Variants in PAM observed in about 807,000 individuals in gnomAD.
PAM encodes peptidyl-glycine alpha-amidating monooxygenase.
In PAM, 72 loss-of-function variants were observed where a neutral mutation model predicts 122.1. The observed-to-expected ratio is 0.59, with a 90% CI of 0.49 to 0.72. The LOEUF (loss-of-function observed/expected upper bound fraction) is 0.72. Ranked by LOEUF, PAM falls within the 30% of genes least tolerant of loss-of-function variation. PAM has a pLI of 0.00. For missense variants in PAM, 1,106 were observed against 1,183.7 expected, an observed-to-expected ratio of 0.93 and a Z score of 0.96; for synonymous variants, 389 against 404.4, an observed-to-expected ratio of 0.96 and a Z score of 0.46.
At chr5:102,811,204 A>T (rs902559448) in intron 1 of PAM, among the ~76,000 whole-genome samples, 5 of 152,240 alleles carry the variant, frequency 3.3e-5, no homozygotes, top group African/African-American at 1.2e-4. Flanking sequence ...TTGGTGGCTT[A>T]AAAAGTACAA....
intron 4 of PAM, among the ~76,000 whole-genome samples, chr5:102,911,158 A>G (rs1405273074): frequency 6.6e-6 from 1 of 151,964 alleles, no homozygotes; most frequent in African/African-American, 2.4e-5. Flanking sequence ...GGTAGTTTTC[A>G]TTTCAACTTG....
At position 102,974,171 on chromosome 5, in the gene PAM, T is replaced by C; in HGVS notation, c.1218T>C (p.His406=). The change falls in exon 15 of 26, where the codon CAT becomes CAC. Residue 406 remains histidine (H), a synonymous_variant. Transcript: ENST00000438793. ...KLLGEREDVV[H]VHKYNPTEKA... ...TAGGAGAAAGGGAAGATGTTGTTCA[T>C]GTGCACAAATATAATCCTACAGAAA... 6.2e-7 allele frequency: 1 copy of C among 1,613,932 alleles called. No homozygotes were observed. Among genetic ancestry groups the C allele is most frequent in the South Asian group, 1.1e-5 (1 of 91,080 alleles).
intron 3 of PAM, among the ~76,000 whole-genome samples, chr5:102,884,586 G>GC (rs1219449603): frequency 6.6e-6 from 1 of 151,822 alleles, no homozygotes; most frequent in African/African-American, 2.4e-5. Flanking sequence ...GCACTTATTA[G>GC]CCACCAGAAA....
chr5:103,004,389 C>T (rs1778316063), intron 17 of PAM, among the ~76,000 whole-genome samples: 1 of 152,038 alleles, frequency 6.6e-6, no homozygotes, highest in Admixed American at 6.6e-5. Context: ...TCTAGTTCAG[C>T]TAATTAGTCA....
intron 1 of PAM, among the ~76,000 whole-genome samples, chr5:102,859,850 G>A (rs1783651677): frequency 6.6e-6 from 1 of 152,080 alleles, no homozygotes; most frequent in Non-Finnish European, 1.5e-5. Flanking sequence ...TTATGTTTGA[G>A]TTGTTTCCAG....
intron 1 of PAM, among the ~76,000 whole-genome samples, chr5:102,788,163 A>AAATT (rs1761067763): frequency 6.6e-6 from 1 of 152,116 alleles, no homozygotes; most frequent in African/African-American, 2.4e-5. Context: ...GCAGATCTGA[A>AAATT]GTAATTTTCT....
intron 1 of PAM, among the ~76,000 whole-genome samples, chr5:102,768,249 T>C (rs1362218032): frequency 6.6e-6 from 1 of 152,182 alleles, no homozygotes; most frequent in African/African-American, 2.4e-5. Context: ...TATATATTTA[T>C]GGGGCATATG....
Position 103,019,834 on chromosome 5 carries a change from G to T in PAM, c.2476G>T (p.Glu826Ter). 1 of 1,602,736 alleles carries T rather than the reference G, an allele frequency of 6.2e-7. No homozygotes were observed. Among genetic ancestry groups the T allele is most frequent in the Non-Finnish European group, 8.5e-7 (1 of 1,169,808 alleles). The change falls in exon 23 of 26, where the codon GAA (glutamate) becomes TAA (stop). Residue 826 changes from glutamate to a stop codon, truncating the protein, a stop_gained. Coordinates refer to ENST00000438793, the MANE Select transcript of PAM (RefSeq NM_001177306.2). LOFTEE classifies it high-confidence loss of function. ...TAAAAAGGCTGGCATTGAGGTCCAG[G>T]AAATCAAAGGTTGGTCAGATTCCTC... ...SVKKAGIEVQ[E>*]IKEAEAVVET...
chr5:102,860,711 C>G (rs918306781), intron 1 of PAM, among the ~76,000 whole-genome samples: 1 of 151,726 alleles, frequency 6.6e-6, no homozygotes, highest in African/African-American at 2.4e-5. Flanking sequence ...ATAAAATAAC[C>G]GCTTCACCAA....
At chr5:102,993,316 G>T (rs1582669180) in intron 16 of PAM, among the ~76,000 whole-genome samples, 1 of 152,168 alleles carries the variant, frequency 6.6e-6, no homozygotes, top group East Asian at 1.9e-4. Flanking sequence ...CAGGAACTGG[G>T]TAGCTTTTGC....
chr5:102,766,926 ATTTTTTTTTT>A, intron 1 of PAM, among the ~76,000 whole-genome samples: 30 of 25,856 alleles, frequency 1.2e-3, no homozygotes, highest in South Asian at 2.7e-3. Flanking sequence ...TCAGTTGTGG[ATTTTTTTTTT>A]TTTTTTTTTT....
rs117074798 is a variant in PAM at position 102,765,275 on chromosome 5, A to G, written c.-374+9927A>G. On this transcript the variant is annotated intron_variant, in intron 1 of 25. Transcript: ENST00000438793. ...GCCATGTATATATGTGACATTGGCC[A>G]AAACAGTCAACGTTCAGGTTTCTTG... Among the ~76,000 whole-genome samples, 11 of 152,376 alleles carry G rather than the reference A, an allele frequency of 7.2e-5. No individual in the cohort carries two copies. The East Asian group carries it at 2.1e-3, about 29-fold the overall frequency.
intron 1 of PAM, among the ~76,000 whole-genome samples, chr5:102,758,068 A>ATTTTTTTTTTTTT (rs1751039527): frequency 1.1e-5 from 1 of 87,608 alleles, no homozygotes; most frequent in Non-Finnish European, 2.2e-5. Flanking sequence ...AAGACTTAGA[A>ATTTTTTTTTTTTT]TTTTGTTTTT....
At chr5:102,956,962 A>G (rs549070564) in intron 12 of PAM, among the ~76,000 whole-genome samples, 2 of 152,266 alleles carry the variant, frequency 1.3e-5, no homozygotes, top group African/African-American at 4.8e-5. Context: ...GATATTTTAT[A>G]TTAGTTATTT....
At chr5:102,803,104 CAGAG>C (rs1483675591) in intron 1 of PAM, among the ~76,000 whole-genome samples, 2 of 147,060 alleles carry the variant, frequency 1.4e-5, no homozygotes, top group African/African-American at 2.5e-5. Flanking sequence ...GCCTGGGCAA[CAGAG>C]AGAGATTCTG....
chr5:102,894,499 C>T lies in PAM; in HGVS notation c.211-6857C>T, dbSNP rs556908958. ...GCCAGTTCACAGCTCTGTCACTTCTCTTTCCCTTTTTTCTGTCTACTCTCA... is the reference window on the plus strand; with the variant it reads ...GCCAGTTCACAGCTCTGTCACTTCTTTTTCCCTTTTTTCTGTCTACTCTCA... On this transcript the variant is annotated intron_variant, in intron 3 of 25. Coordinates refer to ENST00000438793, the MANE Select transcript of PAM (RefSeq NM_001177306.2). Among the ~76,000 whole-genome samples the T allele has an allele frequency of 2.0e-5, 3 of 151,758 alleles. No individual in the cohort carries two copies. In the East Asian group the frequency reaches 5.8e-4, roughly 30 times the overall value.
At chr5:102,956,589 C>T (rs1212407192) in intron 12 of PAM, among the ~76,000 whole-genome samples, 1 of 152,056 alleles carries the variant, frequency 6.6e-6, no homozygotes, top group South Asian at 2.1e-4. Flanking sequence ...TTGGTACACA[C>T]TATTTCTAAT....
In PAM at chr5:102,879,111, T is replaced by C. The variant is rs1338081511; in HGVS notation, c.210+11718T>C. 3.3e-5 allele frequency among the ~76,000 whole-genome samples: 5 copies of C among 151,890 alleles called. No homozygotes were observed. The East Asian group carries it at 5.8e-4, about 18-fold the overall frequency. ...ACCCAGCTAATTTTTTGTATTTTTTTAGTAGAGACGGGGTTTCACCATGTT... is the reference window on the plus strand; with the variant it reads ...ACCCAGCTAATTTTTTGTATTTTTTCAGTAGAGACGGGGTTTCACCATGTT... On this transcript the variant is annotated intron_variant, in intron 3 of 25. Coordinates refer to ENST00000438793, the MANE Select transcript of PAM (RefSeq NM_001177306.2).
At position 102,808,887 on chromosome 5, in the gene PAM, G is replaced by T. The variant is rs114529849; in HGVS notation, c.-374+53539G>T. 1.4e-3 allele frequency among the ~76,000 whole-genome samples: 217 copies of T among 152,310 alleles called. 2 individuals are homozygous for T. The highest frequency in any genetic ancestry group is 5.1e-3 in the African/African-American group (211 of 41,570). ...TCTATTATTGTGATGAATGCAATTAGTGCTTCATGAAAGTTTTCCTTGAAT... is the reference window on the plus strand; with the variant it reads ...TCTATTATTGTGATGAATGCAATTATTGCTTCATGAAAGTTTTCCTTGAAT... On this transcript the variant is annotated intron_variant, in intron 1 of 25. Transcript: ENST00000438793.
Sources: allele counts gnomAD v4.1 joint callset (sites outside exome capture counted in the v4.1 genomes callset), GRCh38; gene constraint gnomAD v4.1.1; transcripts MANE v1.5; gene names NCBI Gene and HGNC (gene_info 2026-07-23, HGNC 2026-07-21).